Variants in ABHD12B observed in about 807,000 individuals in gnomAD.
ABHD12B encodes protein ABHD12B.
Under a neutral mutation model 50.4 loss-of-function variants are expected in ABHD12B, and 42 were observed. The ratio of observed to expected loss-of-function variants is 0.83; its 90% CI spans 0.65 to 1.08. ABHD12B has a LOEUF of 1.08. ABHD12B is among the 50% of genes least tolerant of loss of function. The pLI, the probability that ABHD12B is intolerant of heterozygous loss-of-function variation, is 0.00. For missense variants in ABHD12B, 479 were observed against 447.7 expected (o/e 1.07, Z -0.63); for synonymous variants, 167 against 160.3 (o/e 1.04, Z -0.32).
chr14:50,888,275 C>T (rs1240048505), intron 8 of ABHD12B, among the ~76,000 whole-genome samples: 1 of 150,622 alleles, frequency 6.6e-6, no homozygotes, highest in African/African-American at 2.4e-5. Flanking sequence ...GCAATCTCGG[C>T]TCACTGCAAC....
chr14:50,885,356 G>A (rs2050021664), intron 5 of ABHD12B, among the ~76,000 whole-genome samples: 1 of 152,052 alleles, frequency 6.6e-6, no homozygotes, highest in South Asian at 2.1e-4. Flanking sequence ...TAAAATAGCT[G>A]TTTTTCTATT....
At chr14:50,902,628 C>T (rs1210224334) in intron 10 of ABHD12B, among the ~76,000 whole-genome samples, 1 of 152,208 alleles carries the variant, frequency 6.6e-6, no homozygotes, top group African/African-American at 2.4e-5. Context: ...ATCAAGTTAG[C>T]CTGTTACAGT....
intron 5 of ABHD12B, among the ~76,000 whole-genome samples, chr14:50,883,440 T>C (rs1187331349): frequency 6.6e-6 from 1 of 152,212 alleles, no homozygotes. Flanking sequence ...AGCCAATGCT[T>C]GTAGAGTGGC....
chr14:50,884,182 C>G (rs557982258), intron 5 of ABHD12B, among the ~76,000 whole-genome samples: 3 of 152,180 alleles, frequency 2.0e-5, no homozygotes, highest in Non-Finnish European at 4.4e-5. Context: ...CTATAAGCAT[C>G]TAGATTTTTC....
intron 1 of ABHD12B, among the ~76,000 whole-genome samples, chr14:50,874,087 G>C (rs768833815): frequency 6.6e-6 from 1 of 152,198 alleles, no homozygotes; most frequent in African/African-American, 2.4e-5. Flanking sequence ...CCTTCATGGA[G>C]GGCTTGCCAT....
chr14:50,885,486 T>G (rs778821383), intron 5 of ABHD12B, 128 bp from the exon 6 acceptor site: 5 of 1,008,956 alleles, frequency 5.0e-6, no homozygotes, highest in Non-Finnish European at 7.6e-6. Flanking sequence ...AAAAAAATAC[T>G]AATGAACAAG....
At chr14:50,901,994 G>A in intron 10 of ABHD12B, 83 bp downstream of exon 10, 2 of 811,400 alleles carry the variant, frequency 2.5e-6, no homozygotes, top group African/African-American at 1.7e-5. Context: ...ACTGGATGGT[G>A]ACATGAGACA....
chr14:50,875,055 A>G (rs1267725576), intron 1 of ABHD12B, among the ~76,000 whole-genome samples: 1 of 152,236 alleles, frequency 6.6e-6, no homozygotes. Flanking sequence ...ATGTAAAGGA[A>G]GCATTCTATG....
intron 9 of ABHD12B, among the ~76,000 whole-genome samples, chr14:50,896,061 A>C (rs1252292221): frequency 6.6e-6 from 1 of 151,886 alleles, no homozygotes; most frequent in Non-Finnish European, 1.5e-5. Flanking sequence ...CCCCGACCTT[A>C]ACCCACAAGT....
At chr14:50,883,844 A>AT (rs1188737447) in intron 5 of ABHD12B, among the ~76,000 whole-genome samples, 1 of 152,200 alleles carries the variant, frequency 6.6e-6, no homozygotes, top group Admixed American at 6.5e-5. Context: ...TCATTATTAA[A>AT]TTTTCATTCA....
chr14:50,884,609 G>T (rs2050007643), intron 5 of ABHD12B, among the ~76,000 whole-genome samples: 1 of 152,022 alleles, frequency 6.6e-6, no homozygotes, highest in Non-Finnish European at 1.5e-5. Flanking sequence ...TTACAGTACA[G>T]TTGTGAGGAT....
chr14:50,894,927 C>A (rs1241638051), intron 9 of ABHD12B, among the ~76,000 whole-genome samples: 14 of 149,152 alleles, frequency 9.4e-5, no homozygotes, highest in Admixed American at 9.2e-4. Flanking sequence ...TTTATCGCCT[C>A]CCCTCCTCAC....
intron 9 of ABHD12B, among the ~76,000 whole-genome samples, chr14:50,897,567 T>G (rs913212118): frequency 3.3e-5 from 5 of 152,214 alleles, no homozygotes; most frequent in African/African-American, 1.2e-4. Flanking sequence ...ATAGGAGGTA[T>G]AAAGTTAACA....
At chr14:50,880,412 T>G in intron 3 of ABHD12B, 40 bp from the exon 4 acceptor site, 1 of 1,536,428 alleles carries the variant, frequency 6.5e-7, no homozygotes, top group Non-Finnish European at 8.7e-7. Context: ...GATGGAGAAT[T>G]CCTCTTTCTA....
intron 9 of ABHD12B, among the ~76,000 whole-genome samples, chr14:50,896,036 T>C (rs1328155836): frequency 1.3e-5 from 2 of 151,984 alleles, no homozygotes; most frequent in Non-Finnish European, 1.5e-5. Context: ...CTCCTTTGCG[T>C]CCTCCTCTTG....
chr14:50,878,724 A>T, intron 2 of ABHD12B, 21 bp from the exon 3 acceptor site: 2 of 1,582,124 alleles, frequency 1.3e-6, no homozygotes, highest in South Asian at 2.2e-5. Flanking sequence ...CTTGAAGTTG[A>T]TAATGATTTT....
intron 9 of ABHD12B, among the ~76,000 whole-genome samples, chr14:50,900,246 C>A (rs1363850741): frequency 6.6e-6 from 1 of 152,120 alleles, no homozygotes; most frequent in African/African-American, 2.4e-5. Flanking sequence ...TCAAAATAAA[C>A]AAACAAATAA....
intron 9 of ABHD12B, among the ~76,000 whole-genome samples, chr14:50,898,059 C>T (rs539209986): frequency 2.6e-5 from 4 of 152,258 alleles, no homozygotes; most frequent in South Asian, 2.1e-4. Context: ...GGAAACAGAG[C>T]GAGGAACAGG....
chr14:50,888,807 C>A lies in ABHD12B; in HGVS notation c.701-17C>A, dbSNP rs1318926670. On this transcript the variant is annotated splice_polypyrimidine_tract_variant and intron_variant, in intron 8 of 12. Transcript: ENST00000337334. ...AGGGGAGTTACTGATTTCTTTCTTT[C>A]TTTCTTTCATTTCAAGGATGCCCAG... The A allele has an allele frequency of 2.5e-6, 4 of 1,611,488 alleles. No homozygotes were observed. The highest frequency in any genetic ancestry group is 3.4e-6 in the Non-Finnish European group (4 of 1,178,394).
Sources: gnomAD v4.1 joint callset for allele counts (sites outside exome capture counted in the v4.1 genomes callset) on GRCh38, gnomAD v4.1.1 for gene constraint, MANE v1.5 for transcripts, NCBI Gene and HGNC (gene_info 2026-07-23, HGNC 2026-07-21) for gene names.